The following GPHN variants were observed in gnomAD, a reference collection of about 807,000 sequenced individuals.
The protein encoded by GPHN is gephyrin.
A neutral mutation model predicts 95.5 loss-of-function variants in GPHN; 17 were observed. The observed-to-expected ratio is 0.18, with a 90% CI of 0.12 to 0.27. The LOEUF is 0.27. GPHN is among the 10% of genes least tolerant of loss of function. GPHN has a pLI of 1.00. For synonymous variants in GPHN, 320 were observed against 322.5 expected (o/e 0.99, Z 0.08); for missense variants, 660 against 978.1 (o/e 0.67, Z 4.34).
intron 1 of GPHN, among the ~76,000 whole-genome samples, chr14:66,680,682 C>T (rs2066883927): frequency 6.6e-6 from 1 of 152,102 alleles, no homozygotes; most frequent in African/African-American, 2.4e-5. Context: ...TATTAATCAT[C>T]CTGCAAATTT....
chr14:67,031,000 T>G (rs571938457), intron 10 of GPHN, among the ~76,000 whole-genome samples: 230 of 150,270 alleles, frequency 1.5e-3, no homozygotes, highest in African/African-American at 5.3e-3. Context: ...ATACTGGGGG[T>G]TTTGTTTGTT....
At chr14:67,332,978 ATGTTGGACT>A in the GPHN span, 2 of 1,588,282 alleles carry the variant, frequency 1.3e-6, no homozygotes, top group African/African-American at 2.7e-5. Flanking sequence ...ATTCTGTGGC[ATGTTGGACT>A]TGATCTGGCA....
At chr14:66,559,345 A>C (rs1398235607) in intron 1 of GPHN, among the ~76,000 whole-genome samples, 1 of 133,764 alleles carries the variant, frequency 7.5e-6, no homozygotes, top group East Asian at 2.2e-4. Flanking sequence ...ACTAGTTTAC[A>C]GTCCCACCAA....
chr14:67,059,158 T>C (rs2075726068), intron 11 of GPHN: 1 of 275,950 alleles, frequency 3.6e-6, no homozygotes, highest in Non-Finnish European at 6.7e-6. Flanking sequence ...CTGTCAGAAA[T>C]GGGAGACAAC....
chr14:66,629,650 GATTGCC>G (rs2063709103), intron 1 of GPHN, among the ~76,000 whole-genome samples: 1 of 152,028 alleles, frequency 6.6e-6, no homozygotes, highest in Non-Finnish European at 1.5e-5. Flanking sequence ...TTTTTTATAT[GATTGCC>G]ACTGCAGTAG....
At chr14:67,059,676 C>T (rs972159240) in intron 11 of GPHN, among the ~76,000 whole-genome samples, 1 of 152,116 alleles carries the variant, frequency 6.6e-6, no homozygotes, top group Non-Finnish European at 1.5e-5. Context: ...TAATTGTGCT[C>T]TTCTTCAACC....
chr14:67,228,381 A>G, the GPHN span: 1 of 479,504 alleles, frequency 2.1e-6, no homozygotes, highest in Non-Finnish European at 2.7e-6. Context: ...AATATTCTCT[A>G]TTTCAGACAT....
chr14:66,945,491 G>T (rs2067695890), intron 8 of GPHN, among the ~76,000 whole-genome samples: 1 of 152,124 alleles, frequency 6.6e-6, no homozygotes, highest in Non-Finnish European at 1.5e-5. Context: ...GTGGGAGGGG[G>T]TTGAGTGATA....
intron 4 of GPHN, among the ~76,000 whole-genome samples, chr14:66,852,200 C>T (rs1292604395): frequency 1.3e-5 from 2 of 152,090 alleles, no homozygotes; most frequent in African/African-American, 4.8e-5. Flanking sequence ...TAATAAAAAT[C>T]TTTATGGATA....
At chr14:66,700,886 C>T (rs1157340690) in intron 2 of GPHN, among the ~76,000 whole-genome samples, 1 of 151,842 alleles carries the variant, frequency 6.6e-6, no homozygotes, top group Non-Finnish European at 1.5e-5. Flanking sequence ...TGCACCACTG[C>T]ACTCCAGCCT....
intron 2 of GPHN, among the ~76,000 whole-genome samples, chr14:66,751,917 T>C (rs1336110384): frequency 6.6e-6 from 1 of 152,134 alleles, no homozygotes; most frequent in Non-Finnish European, 1.5e-5. Flanking sequence ...CTTATCTACA[T>C]TGAAATTCTG....
chr14:67,140,176 G>C (rs935131984), intron 17 of GPHN, among the ~76,000 whole-genome samples: 1 of 152,158 alleles, frequency 6.6e-6, no homozygotes, highest in Non-Finnish European at 1.5e-5. Context: ...CTGAGGTCAG[G>C]AGTTCAAGGC....
At chr14:67,098,661 A>G (rs2077527729) in intron 12 of GPHN, among the ~76,000 whole-genome samples, 1 of 152,102 alleles carries the variant, frequency 6.6e-6, no homozygotes, top group South Asian at 2.1e-4. Flanking sequence ...AAAATAAAAT[A>G]AAATACAAAA....
the GPHN span, among the ~76,000 whole-genome samples, chr14:67,373,377 G>GTA: frequency 7.6e-3 from 1,153 of 152,288 alleles, 14 homozygotes; most frequent in African/African-American, 0.025. Context: ...TAAAATCAGT[G>GTA]TATATGAACA....
chr14:66,832,588 AT>A (rs531455813), intron 4 of GPHN, among the ~76,000 whole-genome samples: 30 of 148,544 alleles, frequency 2.0e-4, no homozygotes, highest in South Asian at 4.3e-4. Context: ...TGAAAGCAGA[AT>A]TTTTTTTTTT....
chr14:67,389,378 G>A, the GPHN span, among the ~76,000 whole-genome samples: 1 of 152,248 alleles, frequency 6.6e-6, no homozygotes, highest in East Asian at 1.9e-4. Flanking sequence ...GGACAGGAGA[G>A]GGGCATTCAG....
At chr14:67,134,135 C>T (rs1387887953) in intron 17 of GPHN, among the ~76,000 whole-genome samples, 1 of 152,220 alleles carries the variant, frequency 6.6e-6, no homozygotes, top group Non-Finnish European at 1.5e-5. Flanking sequence ...CTAGTCCAGA[C>T]TTTCACCCAA....
At chr14:66,777,222 G>A (rs980146961) in intron 3 of GPHN, among the ~76,000 whole-genome samples, 47 of 152,100 alleles carry the variant, frequency 3.1e-4, no homozygotes, top group Admixed American at 3.0e-3. Context: ...AGAAAATCTA[G>A]AAGAAATGGA....
intron 9 of GPHN, among the ~76,000 whole-genome samples, chr14:67,020,430 A>C (rs1370479021): frequency 6.6e-6 from 1 of 152,130 alleles, no homozygotes; most frequent in Non-Finnish European, 1.5e-5. Flanking sequence ...TTGTTTGTTA[A>C]AATTTCTTCG....
Sources: gnomAD v4.1 joint callset for allele counts (sites outside exome capture counted in the v4.1 genomes callset) on GRCh38, gnomAD v4.1.1 for gene constraint, MANE v1.5 for transcripts, NCBI Gene and HGNC (gene_info 2026-07-23, HGNC 2026-07-21) for gene names.